KCTD1: variants seen among roughly 807,000 people sequenced by gnomAD.
The protein encoded by KCTD1 is potassium channel tetramerization domain containing 1.
Under a neutral mutation model 66.0 loss-of-function variants are expected in KCTD1, and 24 were observed. The ratio of observed to expected loss-of-function variants is 0.36; its 90% CI spans 0.26 to 0.51. The LOEUF (loss-of-function observed/expected upper bound fraction) is 0.51, where lower values mean the gene tolerates loss of function less well. Among genes scored for constraint, KCTD1 ranks in the 20% least tolerant of loss-of-function variants. The pLI is 0.95. For missense variants in KCTD1, 943 were observed against 1,205.2 expected, an observed-to-expected ratio of 0.78 and a Z score of 3.22; for synonymous variants, 511 against 517.2, an observed-to-expected ratio of 0.99 and a Z score of 0.16.
At chr18:26,562,483 A>G (rs2144879822) in intron 1 of KCTD1, among the ~76,000 whole-genome samples, 1 of 152,046 alleles carries the variant, frequency 6.6e-6, no homozygotes, top group African/African-American at 2.4e-5. Context: ...GCTGGTCTTG[A>G]ACTCCTGGGC....
At chr18:26,535,199 A>G (rs1984640913) in intron 1 of KCTD1, among the ~76,000 whole-genome samples, 1 of 152,086 alleles carries the variant, frequency 6.6e-6, no homozygotes, top group Admixed American at 6.5e-5. Context: ...TCTATTTGTC[A>G]GGCACTTTAT....
chr18:26,627,962 G>A (rs929307347), intron 1 of KCTD1, among the ~76,000 whole-genome samples: 1 of 152,130 alleles, frequency 6.6e-6, no homozygotes, highest in African/African-American at 2.4e-5. Flanking sequence ...GAGCCCCCAG[G>A]GATCTGCAGG....
intron 2 of KCTD1, among the ~76,000 whole-genome samples, chr18:26,484,615 G>A (rs920960931): frequency 1.2e-4 from 18 of 152,314 alleles, no homozygotes; most frequent in Middle Eastern, 6.8e-3. Flanking sequence ...CTATTACAAT[G>A]AAACTGAATC....
chr18:26,496,787 C>A (rs1982499495), intron 2 of KCTD1, among the ~76,000 whole-genome samples: 1 of 151,426 alleles, frequency 6.6e-6, no homozygotes, highest in Admixed American at 6.6e-5. Context: ...CCACTGGTAA[C>A]CTTGGTAATA....
In KCTD1 at chr18:26,455,669, GCA is replaced by G. The variant is rs1980033886; in HGVS notation, c.*72_*73del. On this transcript the variant is annotated 3_prime_UTR_variant, in exon 5 of 5. Transcript: ENST00000580059. ...CAGGACTTGGTTTGCTGTCCCAACT[GCA>G]CATAAATGTCCCTTTTTTGTTTGAG... 6.3e-7 allele frequency: 1 copy of G among 1,594,814 alleles called. No individual in the cohort carries two copies. The highest frequency in any genetic ancestry group is 8.6e-7 in the Non-Finnish European group (1 of 1,166,584).
chr18:26,551,648 A>G (rs1337068402), upstream of KCTD1, among the ~76,000 whole-genome samples: 1 of 152,086 alleles, frequency 6.6e-6, no homozygotes, highest in Non-Finnish European at 1.5e-5. Context: ...CTCGACCAAA[A>G]GAAAAAAAAA....
Position 26,596,738 on chromosome 18 carries a change from C to T in KCTD1, c.-16+32409G>A, listed in dbSNP as rs184283267. On this transcript the variant is annotated intron_variant, in intron 1 of 4. Transcript: ENST00000317932. ...TTTTGTGAAGACTAAATCAATGTGC[C>T]GAGCACAAAGTAATAGTTTACTAAA... Among the ~76,000 whole-genome samples the T allele has an allele frequency of 1.2e-4, 19 of 152,306 alleles. No individual in the cohort carries two copies. The East Asian group carries it at 1.9e-3, about 15-fold the overall frequency.
At chr18:26,624,266 T>C (rs924877869) in intron 1 of KCTD1, among the ~76,000 whole-genome samples, 4 of 152,178 alleles carry the variant, frequency 2.6e-5, no homozygotes, top group African/African-American at 9.7e-5. Flanking sequence ...GCATAAGTAA[T>C]GAGGAGCCAA....
intron 1 of KCTD1, among the ~76,000 whole-genome samples, chr18:26,570,191 A>AAAAAAAAT (rs776923644): frequency 7.5e-6 from 1 of 132,540 alleles, no homozygotes; most frequent in Non-Finnish European, 1.6e-5. Flanking sequence ...ATCTAAAAAA[A>AAAAAAAAT]ATATATATAT....
At chr18:26,486,929 G>A in intron 2 of KCTD1, among the ~76,000 whole-genome samples, 1 of 152,126 alleles carries the variant, frequency 6.6e-6, no homozygotes, top group East Asian at 1.9e-4. Flanking sequence ...AAAACCAGAG[G>A]CTTAACACAG....
intron 1 of KCTD1, among the ~76,000 whole-genome samples, chr18:26,648,527 A>G (rs542846201): frequency 4.0e-4 from 61 of 152,274 alleles, no homozygotes; most frequent in African/African-American, 1.4e-3. Context: ...ACCTCTTTGG[A>G]ATTACTTTAT....
intron 1 of KCTD1, among the ~76,000 whole-genome samples, chr18:26,588,998 T>C (rs1478231981): frequency 1.3e-5 from 2 of 151,958 alleles, no homozygotes; most frequent in Admixed American, 1.3e-4. Context: ...GGAAACCCAC[T>C]GATCTAACTG....
At chr18:26,527,379 T>A (rs1053543382) in intron 1 of KCTD1, among the ~76,000 whole-genome samples, 9 of 151,728 alleles carry the variant, frequency 5.9e-5, no homozygotes, top group African/African-American at 2.2e-4. Flanking sequence ...TTTTCTTTTG[T>A]GTACTCAAAC....
intron 1 of KCTD1, chr18:26,543,633 G>A (rs1462739569): frequency 2.0e-5 from 3 of 152,206 alleles, no homozygotes; most frequent in African/African-American, 7.2e-5. Flanking sequence ...AAGGACCAAC[G>A]GCCCACACTG....
chr18:26,650,959 T>C (rs1426627046), intron 1 of KCTD1, among the ~76,000 whole-genome samples: 4 of 152,246 alleles, frequency 2.6e-5, no homozygotes, highest in Non-Finnish European at 1.5e-5. Context: ...AGGGCTGAAT[T>C]GTTGTCAGTT....
upstream of KCTD1, among the ~76,000 whole-genome samples, chr18:26,552,887 T>G (rs1985610095): frequency 6.6e-6 from 1 of 152,188 alleles, no homozygotes; most frequent in Non-Finnish European, 1.5e-5. Flanking sequence ...ACTGTCTTGA[T>G]GTAATTACTG....
At chr18:26,566,004 G>T (rs961323679) in intron 1 of KCTD1, 4 of 151,778 alleles carry the variant, frequency 2.6e-5, no homozygotes, top group African/African-American at 9.7e-5. Flanking sequence ...CCCCCCCCAA[G>T]ATAACTTTCT....
At chr18:26,618,097 T>TAAAAAAAAA (rs1295160624) in intron 1 of KCTD1, among the ~76,000 whole-genome samples, 1 of 146,366 alleles carries the variant, frequency 6.8e-6, no homozygotes, top group Non-Finnish European at 1.5e-5. Context: ...GACCTAGGTT[T>TAAAAAAAAA]AAAAAAAAAC....
chr18:26,476,450 T>A lies in KCTD1; in HGVS notation c.2133+65A>T. 6.8e-7 allele frequency: 1 copy of A among 1,461,224 alleles called. No homozygotes were observed. The highest frequency in any genetic ancestry group is 1.3e-5 in the South Asian group (1 of 77,046). 90.5% of individuals were successfully genotyped at this position (1,461,224 alleles called of 1,614,324 possible). ...TGTTAATAATGTAGAACTAGAAATA[T>A]TTTTTTGGAGCACATAAAAAAATCA... On this transcript the variant is annotated intron_variant, in intron 3 of 4. Transcript: ENST00000580059. The surrounding 1 kb of genome is among the most constrained non-coding windows in gnomAD (Gnocchi z 4.9).
Sources: allele counts gnomAD v4.1 joint callset (sites outside exome capture counted in the v4.1 genomes callset), GRCh38; gene constraint gnomAD v4.1.1; non-coding constraint Gnocchi (gnomAD v3.1); transcripts MANE v1.5; gene names NCBI Gene and HGNC (gene_info 2026-07-23, HGNC 2026-07-21).